Variants in TBXAS1 observed in about 807,000 individuals in gnomAD.
TBXAS1 encodes the protein thromboxane-A synthase.
A neutral mutation model predicts 60.7 loss-of-function variants in TBXAS1; 48 were observed. The observed-to-expected ratio is 0.79, with a 90% CI of 0.63 to 1.01. The LOEUF is 1.01. TBXAS1 is among the 50% of genes least tolerant of loss of function. TBXAS1 has a pLI of 0.00. For synonymous variants in TBXAS1, 287 were observed against 269.7 expected (o/e 1.06, Z -0.63); for missense variants, 685 against 686.3 (o/e 1.00, Z 0.02).
chr7:139,788,507 T>G (rs1313818340), intron 4 of TBXAS1, among the ~76,000 whole-genome samples: 1 of 152,236 alleles, frequency 6.6e-6, no homozygotes, highest in Non-Finnish European at 1.5e-5. Context: ...AAGTCCAGAA[T>G]GCACCAGCAT....
Position 139,936,300 on chromosome 7 carries a change from T to G in TBXAS1, c.443T>G (p.Leu148Arg). ...ALMSAFSPEK[L>R]NEMVPLISQA... ...ATGTCTGCTTTCAGTCCTGAAAAGC[T>G]GAACGAGGTAAGACATGAGAAATGC... Residue 148 changes from leucine (L) to arginine (R), a missense_variant, in exon 5 of 13, where the codon CTG becomes CGG. Transcript: ENST00000448866. 6.2e-7 allele frequency: 1 copy of G among 1,614,126 alleles called. No individual in the cohort carries two copies. Among genetic ancestry groups the G allele is most frequent in the East Asian group, 2.2e-5 (1 of 44,884 alleles).
At chr7:140,007,645 A>C (rs1814197676) in intron 10 of TBXAS1, among the ~76,000 whole-genome samples, 2 of 151,974 alleles carry the variant, frequency 1.3e-5, no homozygotes, top group African/African-American at 4.8e-5. Flanking sequence ...GAGTCCTGGG[A>C]GCTCCTTCCT....
At chr7:139,948,745 A>G (rs1808958874) in intron 5 of TBXAS1, among the ~76,000 whole-genome samples, 1 of 152,176 alleles carries the variant, frequency 6.6e-6, no homozygotes. Flanking sequence ...CTGCTTGTTC[A>G]AAAATCTAGG....
At chr7:139,899,387 C>T (rs562456900) in intron 3 of TBXAS1, among the ~76,000 whole-genome samples, 1 of 152,290 alleles carries the variant, frequency 6.6e-6, no homozygotes, top group South Asian at 2.1e-4. Flanking sequence ...CAGGCAGCCC[C>T]CAGGCTAATC....
intron 1 of TBXAS1, among the ~76,000 whole-genome samples, chr7:139,842,123 C>T (rs557537102): frequency 3.3e-5 from 5 of 152,166 alleles, no homozygotes; most frequent in African/African-American, 7.2e-5. Flanking sequence ...CACTGGCATA[C>T]GAGTTGGTTT....
rs985255096 is a variant in TBXAS1, at chr7:140,013,383, G to C, written c.1227-2340G>C. On this transcript the variant is annotated intron_variant, in intron 10 of 12. Transcript: ENST00000448866. This position sits in a 1 kb window ranked among gnomAD's most constrained non-coding sequence, Gnocchi z 4.2. ...AGTCACTGACACAGGTGGTCTCGAT[G>C]CTCACTCCAAGAGTTGAGTTGTGTG... 2.0e-4 allele frequency among the ~76,000 whole-genome samples: 31 copies of C among 152,308 alleles called. No individual in the cohort carries two copies. The highest frequency in any genetic ancestry group is 1.6e-3 in the Admixed American group (25 of 15,298).
upstream of TBXAS1, among the ~76,000 whole-genome samples, chr7:139,826,507 G>A (rs1411274607): frequency 2.6e-5 from 4 of 152,134 alleles, no homozygotes; most frequent in Admixed American, 6.5e-5. Flanking sequence ...GCACCTGTGC[G>A]GTTCACTATC....
In TBXAS1 at chr7:139,916,525, C is replaced by T. The variant is rs1805986054; in HGVS notation, c.333+5204C>T. On this transcript the variant is annotated intron_variant, in intron 4 of 12. Transcript: ENST00000448866. This position sits in a 1 kb window ranked among gnomAD's most constrained non-coding sequence, Gnocchi z 4.2. Reference sequence around the variant, plus strand: ...TGATGGACGTGGTGGGTGGTTTTATCCCGAACCATCAATACCCGGCACCCT... The same window carrying T: ...TGATGGACGTGGTGGGTGGTTTTATTCCGAACCATCAATACCCGGCACCCT... Among the ~76,000 whole-genome samples, 1 of 152,154 alleles carries T rather than the reference C, an allele frequency of 6.6e-6. No individual in the cohort carries two copies. The highest frequency in any genetic ancestry group is 2.4e-5 in the African/African-American group (1 of 41,428).
intron 3 of TBXAS1, among the ~76,000 whole-genome samples, chr7:139,895,916 C>G (rs747846301): frequency 3.3e-5 from 5 of 152,114 alleles, no homozygotes; most frequent in African/African-American, 4.8e-5. Context: ...AGAGCAGGCC[C>G]CAAGTTTTAG....
intron 10 of TBXAS1, among the ~76,000 whole-genome samples, chr7:140,008,447 C>CTTTTTTTTTTTTT: frequency 7.9e-6 from 1 of 126,054 alleles, no homozygotes; most frequent in Non-Finnish European, 1.6e-5. Flanking sequence ...TTCTTTTATT[C>CTTTTTTTTTTTTT]TTTTTTTTTT....
rs114742311 is a variant in TBXAS1 at position 139,986,886 on chromosome 7, T to C, written c.1135-20205T>C. Among the ~76,000 whole-genome samples the C allele has an allele frequency of 6.6e-3, 988 of 150,826 alleles. 18 individuals carry two copies. The highest frequency in any genetic ancestry group is 0.023 in the African/African-American group (938 of 41,020). On this transcript the variant is annotated intron_variant, in intron 9 of 12. Coordinates refer to ENST00000448866, the MANE Select transcript of TBXAS1 (RefSeq NM_001061.7). ...GTTCCACATTTTTGCAATTGCGAAT[T>C]TGTGTGCAAGTTTGCTTTTAACCAC... is the stretch of plus-strand genomic sequence containing the variant.
chr7:139,897,544 G>A (rs1297258572), intron 3 of TBXAS1, among the ~76,000 whole-genome samples: 1 of 152,134 alleles, frequency 6.6e-6, no homozygotes, highest in African/African-American at 2.4e-5. Flanking sequence ...GCCCACATGT[G>A]GACAAGCAGC....
At position 139,902,322 on chromosome 7, in the gene TBXAS1, A is replaced by G. The variant is rs372499907; in HGVS notation, c.237-8903A>G. Among the ~76,000 whole-genome samples the G allele has an allele frequency of 1.1e-3, 165 of 152,152 alleles. 4 individuals are homozygous for G. The highest frequency in any genetic ancestry group is 6.8e-3 in the Middle Eastern group (2 of 294). On this transcript the variant is annotated intron_variant, in intron 3 of 12. Transcript: ENST00000448866. ...AACCACTAATGTGTTCTCCATCTCT[A>G]TAATTTTATTTCAAGAATGTTATGT...
intron 12 of TBXAS1, among the ~76,000 whole-genome samples, chr7:140,019,196 G>T (rs1461228652): frequency 6.6e-6 from 1 of 152,196 alleles, no homozygotes; most frequent in Non-Finnish European, 1.5e-5. Flanking sequence ...TTGGATGGGG[G>T]ACATAGAGTC....
In TBXAS1 at chr7:139,895,309, G is replaced by A. The variant is rs569830260; in HGVS notation, c.237-15916G>A. 1.1e-4 allele frequency among the ~76,000 whole-genome samples: 17 copies of A among 152,300 alleles called. No individual in the cohort carries two copies. The East Asian group carries it at 3.1e-3, about 28-fold the overall frequency. ...CACTGGAAAGCCTTCGTTGCCAGGC[G>A]AAGACATGTTTGTTATCCTTTTGTT... On this transcript the variant is annotated intron_variant, in intron 3 of 12. Coordinates refer to ENST00000448866, the MANE Select transcript of TBXAS1 (RefSeq NM_001061.7).
At chr7:139,844,062 T>C (rs1799642283) in intron 1 of TBXAS1, among the ~76,000 whole-genome samples, 8 of 152,138 alleles carry the variant, frequency 5.3e-5, no homozygotes, top group Admixed American at 3.9e-4. Context: ...TGAATTCAGA[T>C]AGATAGAGGA....
At chr7:139,782,984 T>A (rs972536190) in intron 3 of TBXAS1, among the ~76,000 whole-genome samples, 1 of 152,244 alleles carries the variant, frequency 6.6e-6, no homozygotes, top group East Asian at 1.9e-4. Flanking sequence ...CTTTAAACCT[T>A]TGATCGGTTT....
intron 1 of TBXAS1, among the ~76,000 whole-genome samples, chr7:139,869,009 G>C (rs13240813): frequency 6.6e-6 from 1 of 151,960 alleles, no homozygotes; most frequent in Non-Finnish European, 1.5e-5. Context: ...GTGTTGCCCA[G>C]GCTGGTCTCA....
chr7:139,991,120 A>G (rs8192856), intron 9 of TBXAS1, among the ~76,000 whole-genome samples: 1 of 152,196 alleles, frequency 6.6e-6, no homozygotes, highest in Non-Finnish European at 1.5e-5. Context: ...GTGCGCTCCA[A>G]TAAAACGGCA....
Sources: gnomAD v4.1 joint callset for allele counts (sites outside exome capture counted in the v4.1 genomes callset) on GRCh38, gnomAD v4.1.1 for gene constraint, Gnocchi (gnomAD v3.1) non-coding constraint, MANE v1.5 for transcripts, NCBI Gene and HGNC (gene_info 2026-07-23, HGNC 2026-07-21) for gene names.